The following SPATA31G1 variants were observed in gnomAD, a reference collection of about 807,000 sequenced individuals.
SPATA31G1 encodes SPATA31 subfamily G member 1, also known as spermatogenesis-associated protein 31G1.
chr9:35,045,614 G>C, the SPATA31G1 span: 4 of 1,614,170 alleles, frequency 2.5e-6, no homozygotes, highest in Non-Finnish European at 3.4e-6. Flanking sequence ...CTCAACACAG[G>C]GGCCAGAGCT....
At chr9:35,045,740 T>C in the SPATA31G1 span, 2 of 1,614,192 alleles carry the variant, frequency 1.2e-6, no homozygotes, top group South Asian at 2.2e-5. Context: ...GTAAGCACTG[T>C]CCTTGGGCCC....
At chr9:35,042,579 A>G in the SPATA31G1 span, 1 of 1,577,174 alleles carries the variant, frequency 6.3e-7, no homozygotes, top group Non-Finnish European at 8.6e-7. Context: ...AGTGACTATA[A>G]GCCCTAGATG....
chr9:35,045,731 T>G, the SPATA31G1 span: 1 of 1,614,240 alleles, frequency 6.2e-7, no homozygotes, highest in Non-Finnish European at 8.5e-7. Context: ...CTCGCCACTG[T>G]AAGCACTGTC....
the SPATA31G1 span, chr9:35,045,428 G>A: frequency 6.2e-7 from 1 of 1,614,154 alleles, no homozygotes; most frequent in Non-Finnish European, 8.5e-7. Context: ...GCAAGAGAAA[G>A]GACAAGGCTT....
the SPATA31G1 span, chr9:35,042,710 T>C: frequency 1.1e-3 from 1,297 of 1,172,352 alleles, no homozygotes; most frequent in Non-Finnish European, 1.5e-3. Context: ...CCATTAACAC[T>C]AGATGAGGAG....
the SPATA31G1 span, chr9:35,042,520 A>G: frequency 2.7e-5 from 44 of 1,613,414 alleles, no homozygotes; most frequent in Non-Finnish European, 3.5e-5. Context: ...TGGATGAATG[A>G]CTGCTGACAC....
At chr9:35,042,148 A>C in the SPATA31G1 span, 1 of 1,465,810 alleles carries the variant, frequency 6.8e-7, no homozygotes, top group African/African-American at 1.4e-5. Context: ...TTTTGGTTCT[A>C]AATTCAGGGA....
chr9:35,043,587 T>C, the SPATA31G1 span: 4 of 1,614,146 alleles, frequency 2.5e-6, 1 homozygote, highest in Middle Eastern at 4.9e-4. Flanking sequence ...TCTCCCTGGA[T>C]ATGAGACTCA....
At chr9:35,044,351 A>G in the SPATA31G1 span, 1 of 1,613,928 alleles carries the variant, frequency 6.2e-7, no homozygotes, top group Non-Finnish European at 8.5e-7. Flanking sequence ...AGCTGCTCAG[A>G]GTTAGATCCA....
chr9:35,045,936 G>T, the SPATA31G1 span: 1 of 1,494,898 alleles, frequency 6.7e-7, no homozygotes, highest in South Asian at 1.3e-5. Flanking sequence ...GGAAGGTGGG[G>T]ATGTGGAGAC....
chr9:35,042,511 G>A, the SPATA31G1 span: 2 of 1,613,876 alleles, frequency 1.2e-6, no homozygotes, highest in African/African-American at 2.7e-5. Flanking sequence ...CTGTACAGCT[G>A]GATGAATGAC....
chr9:35,044,386 C>G, the SPATA31G1 span: 1 of 1,614,042 alleles, frequency 6.2e-7, no homozygotes, highest in Non-Finnish European at 8.5e-7. Context: ...GATTCTGAAG[C>G]TAGATGTGGG....
chr9:35,045,466 A>G, the SPATA31G1 span: 2 of 1,613,800 alleles, frequency 1.2e-6, no homozygotes, highest in Non-Finnish European at 1.7e-6. Context: ...AAAAAGAGAG[A>G]GCACCCTAGG....
the SPATA31G1 span, chr9:35,043,090 A>G: frequency 6.2e-7 from 1 of 1,614,170 alleles, no homozygotes; most frequent in South Asian, 1.1e-5. Context: ...GGGATACCAG[A>G]GCAAACAGTC....
the SPATA31G1 span, chr9:35,042,581 C>T: frequency 1.3e-6 from 2 of 1,566,308 alleles, no homozygotes; most frequent in East Asian, 2.3e-5. Flanking sequence ...TGACTATAAG[C>T]CCTAGATGTG....
At chr9:35,043,588 A>T in the SPATA31G1 span, 2 of 1,614,152 alleles carry the variant, frequency 1.2e-6, no homozygotes, top group South Asian at 2.2e-5. Context: ...CTCCCTGGAT[A>T]TGAGACTCAT....
the SPATA31G1 span, chr9:35,044,757 C>T: frequency 6.2e-7 from 1 of 1,614,126 alleles, no homozygotes. Context: ...GAGAAATGTG[C>T]AACAAAGAGA....
At chr9:35,042,908 G>C in the SPATA31G1 span, 1 of 1,614,122 alleles carries the variant, frequency 6.2e-7, no homozygotes, top group Non-Finnish European at 8.5e-7. Flanking sequence ...ACCTGTGTAA[G>C]CAGAAATCAG....
At chr9:35,042,347 C>T in the SPATA31G1 span, 17 of 1,614,186 alleles carry the variant, frequency 1.1e-5, no homozygotes, top group East Asian at 8.9e-5. Flanking sequence ...GCAGACACTG[C>T]GGCAGCAGCT....
Sources: gnomAD v4.1 joint callset for allele counts on GRCh38, gnomAD v4.1.1 for gene constraint, MANE v1.5 for transcripts, NCBI Gene and HGNC (gene_info 2026-07-23, HGNC 2026-07-21) for gene names.